Variants in OSBPL10 observed in about 807,000 individuals in gnomAD.
The protein encoded by OSBPL10 is oxysterol binding protein like 10.
A neutral mutation model predicts 81.7 loss-of-function variants in OSBPL10; 49 were observed. The ratio of observed to expected loss-of-function variants is 0.60; its 90% CI spans 0.48 to 0.76. The LOEUF is 0.76. Ranked by LOEUF, OSBPL10 falls within the 30% of genes least tolerant of loss-of-function variation. The pLI, the probability that OSBPL10 is intolerant of heterozygous loss-of-function variation, is 0.00. For synonymous variants in OSBPL10, 419 were observed against 383.6 expected (o/e 1.09, Z -1.08); for missense variants, 923 against 987.8 (o/e 0.93, Z 0.88).
At chr3:31,961,859 T>TGG (rs1698173359) in intron 1 of OSBPL10, among the ~76,000 whole-genome samples, 1 of 152,102 alleles carries the variant, frequency 6.6e-6, no homozygotes, top group Non-Finnish European at 1.5e-5. Flanking sequence ...TTGCTATTAA[T>TGG]TACATTTAAA....
chr3:31,988,927 G>C (rs550108320), intron 2 of OSBPL10: 2 of 1,014,476 alleles, frequency 2.0e-6, no homozygotes, highest in Non-Finnish European at 2.8e-6. Context: ...TCCAAACCCC[G>C]ACCCACAGCG....
intron 4 of OSBPL10, among the ~76,000 whole-genome samples, chr3:31,801,156 G>A (rs948291813): frequency 6.6e-6 from 1 of 152,146 alleles, no homozygotes; most frequent in Non-Finnish European, 1.5e-5. Flanking sequence ...TCAGGTACAA[G>A]AACCAACAAC....
intron 2 of OSBPL10, among the ~76,000 whole-genome samples, chr3:32,008,168 G>T (rs554338004): frequency 1.4e-5 from 2 of 141,888 alleles, no homozygotes; most frequent in East Asian, 4.2e-4. Flanking sequence ...ACAATGAAAT[G>T]TTTTTATCAT....
At chr3:31,897,046 C>T (rs1696079256) in intron 1 of OSBPL10, among the ~76,000 whole-genome samples, 1 of 150,320 alleles carries the variant, frequency 6.7e-6, no homozygotes, top group South Asian at 2.1e-4. Flanking sequence ...GCAGAAAGAA[C>T]CAGAAATCAG....
intron 1 of OSBPL10, among the ~76,000 whole-genome samples, chr3:31,971,249 T>G (rs1045783788): frequency 4.6e-5 from 7 of 151,248 alleles, no homozygotes; most frequent in Non-Finnish European, 7.4e-5. Flanking sequence ...CAAGCGATTC[T>G]CCTGTCTCAG....
intron 1 of OSBPL10, among the ~76,000 whole-genome samples, chr3:31,953,906 G>C (rs1360368349): frequency 1.3e-5 from 2 of 152,206 alleles, no homozygotes; most frequent in Non-Finnish European, 2.9e-5. Flanking sequence ...TGGGGCAAGA[G>C]GCAACAGAAT....
chr3:31,826,768 T>C (rs1700110280), intron 4 of OSBPL10, among the ~76,000 whole-genome samples: 1 of 152,216 alleles, frequency 6.6e-6, no homozygotes, highest in African/African-American at 2.4e-5. Flanking sequence ...GAGTGCAATT[T>C]GCTCGGATAG....
chr3:31,828,608 A>G (rs1284138062), intron 4 of OSBPL10, among the ~76,000 whole-genome samples: 1 of 152,158 alleles, frequency 6.6e-6, no homozygotes, highest in African/African-American at 2.4e-5. Context: ...TCTTGGCTCA[A>G]TGCAGCCTCC....
intron 3 of OSBPL10, among the ~76,000 whole-genome samples, chr3:31,851,438 G>A (rs528601588): frequency 3.9e-5 from 6 of 152,140 alleles, no homozygotes; most frequent in South Asian, 2.1e-4. Flanking sequence ...GCCTCTCCCC[G>A]CATCTGCCCA....
At chr3:31,718,310 G>A (rs1220550827) in intron 6 of OSBPL10, 1 of 152,134 alleles carries the variant, frequency 6.6e-6, no homozygotes, top group Non-Finnish European at 1.5e-5. Context: ...TGTATTTTTA[G>A]TAGAGACAGG....
chr3:31,882,813 TA>T (rs1695623106), intron 1 of OSBPL10, among the ~76,000 whole-genome samples: 1 of 152,122 alleles, frequency 6.6e-6, no homozygotes, highest in African/African-American at 2.4e-5. Flanking sequence ...AAAGAAACTT[TA>T]ACTAGGCCAC....
chr3:31,885,896 G>A lies in OSBPL10; in HGVS notation c.282-6066C>T, dbSNP rs370080980. Among the ~76,000 whole-genome samples, 4 of 149,278 alleles carry A rather than the reference G, an allele frequency of 2.7e-5. No individual in the cohort carries two copies. The South Asian group carries it at 8.5e-4, about 32-fold the overall frequency. On this transcript the variant is annotated intron_variant, in intron 1 of 11. Transcript: ENST00000396556. ...TGTAATCCTAGCTACTTGAGAGGCT[G>A]AGGCAGGAGAATCGCTTGAACCCAG...
Position 31,749,319 on chromosome 3 carries a change from G to A in OSBPL10, c.730-1199C>T, listed in dbSNP as rs372889896. The stretch of plus-strand genomic sequence containing the variant: ...CTATCGGCGATTACTTCAAAACGAT[G>A]TTTTTAAAAAGATTATTGTTAATAG... On this transcript the variant is annotated intron_variant, in intron 4 of 11. Transcript: ENST00000396556. Among the ~76,000 whole-genome samples the A allele has an allele frequency of 6.6e-5, 10 of 152,274 alleles. No individual in the cohort carries two copies. The East Asian group carries it at 1.4e-3, about 21-fold the overall frequency.
In OSBPL10 at chr3:31,979,254, G is replaced by C. The variant is rs946040124; in HGVS notation, c.281+1645C>G. On this transcript the variant is annotated intron_variant, in intron 1 of 11. Coordinates refer to ENST00000396556, the MANE Select transcript of OSBPL10 (RefSeq NM_017784.5). Reference sequence around the variant, plus strand: ...AAGGGAGAGGCAACAGCAGACACTAGGACTATTTTGAGAAATAAAAGGATT... The same window carrying C: ...AAGGGAGAGGCAACAGCAGACACTACGACTATTTTGAGAAATAAAAGGATT... Among the ~76,000 whole-genome samples the C allele has an allele frequency of 2.0e-5, 3 of 152,148 alleles. No homozygotes were observed. In the East Asian group the frequency reaches 5.8e-4, roughly 29 times the overall value.
chr3:31,817,265 ACT>A (rs1699860999), intron 4 of OSBPL10, among the ~76,000 whole-genome samples: 1 of 151,670 alleles, frequency 6.6e-6, no homozygotes, highest in African/African-American at 2.4e-5. Flanking sequence ...TTCTAGCAGG[ACT>A]CTCTCTCCTG....
intron 4 of OSBPL10, among the ~76,000 whole-genome samples, chr3:31,754,150 C>G (rs1041712353): frequency 3.4e-5 from 3 of 88,952 alleles, no homozygotes; most frequent in African/African-American, 8.5e-5. Flanking sequence ...ACAACATACA[C>G]CTAAAATGAT....
At chr3:31,936,371 A>T (rs957043310) in intron 1 of OSBPL10, among the ~76,000 whole-genome samples, 1 of 152,230 alleles carries the variant, frequency 6.6e-6, no homozygotes, top group African/African-American at 2.4e-5. Flanking sequence ...TTGAAACCTC[A>T]TGTTAGCTAA....
At chr3:31,814,393 G>A (rs1050445875) in intron 4 of OSBPL10, among the ~76,000 whole-genome samples, 2 of 152,224 alleles carry the variant, frequency 1.3e-5, no homozygotes, top group Non-Finnish European at 2.9e-5. Flanking sequence ...ACCTGAGGAC[G>A]TGACCTTCCT....
In OSBPL10 at chr3:32,026,054, AGATGATAG is replaced by A. The variant is rs1414875136; in HGVS notation, n.298+20429_298+20436del. On this transcript the variant is annotated intron_variant and non_coding_transcript_variant, in intron 2 of 3. Transcript: ENST00000479173. ...TAGATAGATAGATAGATAGATAGAT[AGATGATAG>A]ATAGATAGATAGATAGATAGATAGA... Among the ~76,000 whole-genome samples, 6 of 109,550 alleles carry A rather than the reference AGATGATAG, an allele frequency of 5.5e-5. No individual in the cohort carries two copies. The East Asian group carries it at 1.4e-3, about 25-fold the overall frequency. The allele number at this position is 109,550 out of a possible 152,430, so 71.9% of individuals were successfully genotyped here. A position where few individuals can be genotyped will look rare whatever the true frequency, so the allele number is the denominator to read the frequency against.
Sources: gnomAD v4.1 joint callset for allele counts (sites outside exome capture counted in the v4.1 genomes callset) on GRCh38, gnomAD v4.1.1 for gene constraint, MANE v1.5 for transcripts, NCBI Gene and HGNC (gene_info 2026-07-23, HGNC 2026-07-21) for gene names.